DNAH12: variants seen among roughly 807,000 people sequenced by gnomAD.
DNAH12 encodes dynein axonemal heavy chain 12.
Under a neutral mutation model 371.5 loss-of-function variants are expected in DNAH12, and 285 were observed. The ratio of observed to expected loss-of-function variants is 0.77; its 90% CI spans 0.70 to 0.85. The LOEUF (loss-of-function observed/expected upper bound fraction) is 0.85, where lower values mean the gene tolerates loss of function less well. DNAH12 is among the 40% of genes least tolerant of loss of function. DNAH12 has a pLI of 0.00. For synonymous variants in DNAH12, 1,200 were observed against 1,213.0 expected (o/e 0.99, Z 0.22); for missense variants, 3,611 against 3,689.4 (o/e 0.98, Z 0.55).
At chr3:57,494,988 A>T (rs1453667855) in intron 11 of DNAH12, among the ~76,000 whole-genome samples, 2 of 144,730 alleles carry the variant, frequency 1.4e-5, no homozygotes, top group Non-Finnish European at 3.0e-5. Flanking sequence ...CAGCCTGGGC[A>T]ACAAAGCAAG....
chr3:57,505,477 G>T (rs2067720531), intron 8 of DNAH12, among the ~76,000 whole-genome samples: 1 of 152,040 alleles, frequency 6.6e-6, no homozygotes, highest in African/African-American at 2.4e-5. Context: ...GTCTCACTCT[G>T]TCGGTCAGGC....
intron 2 of DNAH12, among the ~76,000 whole-genome samples, chr3:57,530,101 T>C (rs1016122148): frequency 3.3e-5 from 5 of 152,264 alleles, no homozygotes; most frequent in South Asian, 4.1e-4. Context: ...GAGAAGGTGC[T>C]TGATATTATT....
chr3:57,319,843 C>T (rs2061766023), intron 65 of DNAH12, among the ~76,000 whole-genome samples: 1 of 151,986 alleles, frequency 6.6e-6, no homozygotes, highest in South Asian at 2.1e-4. Context: ...CCTCAGTCTC[C>T]CAAAGTGACA....
intron 25 of DNAH12, among the ~76,000 whole-genome samples, chr3:57,451,713 G>A (rs1249348754): frequency 2.6e-5 from 4 of 152,240 alleles, no homozygotes; most frequent in African/African-American, 7.2e-5. Flanking sequence ...CGGAGAGCGC[G>A]CCTCACCCCA....
Position 57,452,818 on chromosome 3 carries a change from G to A in DNAH12, c.3786+25C>T, listed in dbSNP as rs762729655. 2.6e-6 allele frequency: 4 copies of A among 1,522,014 alleles called. No homozygotes were observed. The East Asian group carries it at 1.0e-4, about 38-fold the overall frequency. 94.3% of individuals were successfully genotyped at this position (1,522,014 alleles called of 1,614,324 possible). A position where few individuals can be genotyped will look rare whatever the true frequency, so the allele number is the denominator to read the frequency against. On this transcript the variant is annotated intron_variant, in intron 25 of 73. Transcript: ENST00000495027. ...CAGCAAAAAGTAATTATTAATGTGTGAATTAAGATAATTTAAATGCATACC... is the reference window on the plus strand; with the variant it reads ...CAGCAAAAAGTAATTATTAATGTGTAAATTAAGATAATTTAAATGCATACC...
chr3:57,389,837 T>TAA (rs2063576334), intron 45 of DNAH12, among the ~76,000 whole-genome samples: 6 of 115,380 alleles, frequency 5.2e-5, no homozygotes, highest in East Asian at 5.0e-4. Flanking sequence ...TATATATATA[T>TAA]ATAATACTTT....
At position 57,528,058 on chromosome 3, in the gene DNAH12, C is replaced by T. The variant is rs542225241; in HGVS notation, c.171-4174G>A. Among the ~76,000 whole-genome samples the T allele has an allele frequency of 3.6e-4, 55 of 151,854 alleles. No homozygotes were observed. The South Asian group carries it at 7.3e-3, about 20-fold the overall frequency. ...ATTTATTTTTTTTGAGACAGAGTTT[C>T]GCTCTTGTTGCCCAGGCGGGAGGGC... is the stretch of plus-strand genomic sequence containing the variant. On this transcript the variant is annotated intron_variant, in intron 2 of 73. Coordinates refer to ENST00000495027, the MANE Select transcript of DNAH12 (RefSeq NM_001366028.2).
Position 57,457,961 on chromosome 3 carries a change from T to C in DNAH12, c.3096A>G (p.Ser1032=). Residue 1032 remains serine, a synonymous_variant, in exon 22 of 74, where the codon TCA becomes TCG. Coordinates refer to ENST00000495027, the MANE Select transcript of DNAH12 (RefSeq NM_001366028.2). ...GAACTCTAAGTGGATCTTTGGTCTC[T>C]GATAAAATCTCTAACATTTCATCAT... ...LSNDEMLEIL[S]ETKDPLRVQP... 8 of 1,551,586 alleles carry C rather than the reference T, an allele frequency of 5.2e-6. No individual in the cohort carries two copies. Among genetic ancestry groups the C allele is most frequent in the South Asian group, 1.2e-5 (1 of 84,060 alleles).
chr3:57,515,620 T>TG (rs2068164174), intron 4 of DNAH12, among the ~76,000 whole-genome samples: 1 of 151,710 alleles, frequency 6.6e-6, no homozygotes, highest in African/African-American at 2.4e-5. Flanking sequence ...TACAAAATAA[T>TG]TATTATTAAT....
chr3:57,444,536 T>C (rs1027783154), intron 29 of DNAH12, among the ~76,000 whole-genome samples, 161 bp downstream of exon 29: 2 of 152,204 alleles, frequency 1.3e-5, no homozygotes, highest in African/African-American at 2.4e-5. Context: ...TCATATAATA[T>C]GAAAGTACCC....
intron 2 of DNAH12, among the ~76,000 whole-genome samples, chr3:57,529,966 T>C (rs2068784283): frequency 6.6e-6 from 1 of 152,176 alleles, no homozygotes; most frequent in Non-Finnish European, 1.5e-5. Context: ...AAATTTTCAA[T>C]TTCCTTCTTA....
intron 69 of DNAH12, among the ~76,000 whole-genome samples, chr3:57,302,565 G>GTTTTTTTTTTTTTTTTTT (rs1407756841): frequency 6.9e-5 from 2 of 28,856 alleles, no homozygotes; most frequent in African/African-American, 1.3e-4. Flanking sequence ...ATATATATAT[G>GTTTTTTTTTTTTTTTTTT]TATTTTTTTT....
intron 16 of DNAH12, among the ~76,000 whole-genome samples, chr3:57,469,385 A>C (rs1308128209): frequency 6.6e-6 from 1 of 152,214 alleles, no homozygotes; most frequent in Non-Finnish European, 1.5e-5. Context: ...TATTGATGGG[A>C]CTGTAAATTA....
intron 65 of DNAH12, among the ~76,000 whole-genome samples, 164 bp from the exon 66 acceptor site, chr3:57,314,795 T>C (rs1000224130): frequency 3.3e-5 from 5 of 152,164 alleles, no homozygotes; most frequent in African/African-American, 1.2e-4. Context: ...TTACTATAAA[T>C]AGTATTCATC....
At chr3:57,435,862 C>T (rs997287975) in intron 30 of DNAH12, among the ~76,000 whole-genome samples, 2 of 86,794 alleles carry the variant, frequency 2.3e-5, no homozygotes, top group African/African-American at 8.7e-5. Context: ...TGTACTATTC[C>T]CTCTATTTTT....
intron 65 of DNAH12, among the ~76,000 whole-genome samples, chr3:57,320,068 A>T (rs1255783851): frequency 6.6e-6 from 1 of 152,146 alleles, no homozygotes; most frequent in Non-Finnish European, 1.5e-5. Context: ...TATATATGAT[A>T]TGCTATATTT....
chr3:57,503,226 T>G (rs2067620657), intron 9 of DNAH12, among the ~76,000 whole-genome samples: 2 of 152,108 alleles, frequency 1.3e-5, no homozygotes, highest in South Asian at 4.1e-4. Flanking sequence ...GAATAGCCAC[T>G]GCATTTCAGC....
chr3:57,425,335 A>G (rs886411810), intron 34 of DNAH12, among the ~76,000 whole-genome samples, 194 bp from the exon 35 acceptor site: 133 of 151,962 alleles, frequency 8.8e-4, no homozygotes, highest in African/African-American at 3.1e-3. Context: ...GCAGCCTCCA[A>G]CTCCTGGGCT....
At chr3:57,479,277 T>C (rs2066650729) in intron 13 of DNAH12, among the ~76,000 whole-genome samples, 1 of 152,014 alleles carries the variant, frequency 6.6e-6, no homozygotes, top group South Asian at 2.1e-4. Flanking sequence ...AATCCTAGTC[T>C]CTGATAAAAC....
Sources: allele counts gnomAD v4.1 joint callset (sites outside exome capture counted in the v4.1 genomes callset), GRCh38; gene constraint gnomAD v4.1.1; transcripts MANE v1.5; gene names NCBI Gene and HGNC (gene_info 2026-07-23, HGNC 2026-07-21).